KCMF1: variants seen among roughly 807,000 people sequenced by gnomAD.
KCMF1 encodes potassium channel modulatory factor 1.
A neutral mutation model predicts 41.1 loss-of-function variants in KCMF1; 3 were observed. The ratio of observed to expected loss-of-function variants is 0.07; its 90% CI spans 0.03 to 0.19. The LOEUF (loss-of-function observed/expected upper bound fraction) is 0.19. KCMF1 is among the 10% of genes least tolerant of loss of function. KCMF1 has a pLI of 1.00. For synonymous variants in KCMF1, 142 were observed against 164.5 expected, an observed-to-expected ratio of 0.86 and a Z score of 1.04; for missense variants, 286 against 488.9, an observed-to-expected ratio of 0.58 and a Z score of 3.91.
chr2:85,002,765 A>T lies in KCMF1; in HGVS notation c.17-25124A>T, dbSNP rs1344285284. The stretch of plus-strand genomic sequence containing the variant: ...CTGTATGGAGCTGTGGCATCCCCTC[A>T]GTGTTGCCTGTTCCCAGCTCTTTTG... On this transcript the variant is annotated intron_variant, in intron 1 of 6. Coordinates refer to ENST00000409785, the MANE Select transcript of KCMF1 (RefSeq NM_020122.5). Among the ~76,000 whole-genome samples the T allele has an allele frequency of 2.0e-5, 3 of 152,132 alleles. No homozygotes were observed. In the East Asian group the frequency reaches 5.8e-4, roughly 29 times the overall value.
intron 1 of KCMF1, among the ~76,000 whole-genome samples, chr2:84,981,753 A>C (rs1357346212): frequency 6.6e-6 from 1 of 151,968 alleles, no homozygotes; most frequent in Non-Finnish European, 1.5e-5. Flanking sequence ...CTCCTGTCTT[A>C]TTCTCCAGGC....
intron 1 of KCMF1, among the ~76,000 whole-genome samples, chr2:84,987,003 G>A (rs1027508158): frequency 6.6e-6 from 1 of 152,188 alleles, no homozygotes; most frequent in African/African-American, 2.4e-5. Flanking sequence ...GTAAAAGGAG[G>A]ACACTAATGC....
chr2:84,993,363 G>A (rs1314534967), intron 1 of KCMF1, among the ~76,000 whole-genome samples: 2 of 152,094 alleles, frequency 1.3e-5, no homozygotes, highest in African/African-American at 4.8e-5. Flanking sequence ...CTCACAGAGT[G>A]TTGATCCACA....
At chr2:85,039,352 A>G (rs928347233) in intron 3 of KCMF1, among the ~76,000 whole-genome samples, 22 of 152,088 alleles carry the variant, frequency 1.4e-4, no homozygotes, top group African/African-American at 4.1e-4. Flanking sequence ...GTATTAGTTC[A>G]AGAGAGAGGC....
chr2:84,999,705 T>C (rs1207376646), intron 1 of KCMF1, among the ~76,000 whole-genome samples: 1 of 152,154 alleles, frequency 6.6e-6, no homozygotes, highest in East Asian at 1.9e-4. Context: ...TATTTGCATA[T>C]AAGAGAAAGG....
intron 1 of KCMF1, among the ~76,000 whole-genome samples, chr2:85,013,075 A>G (rs757624419): frequency 6.6e-6 from 1 of 152,156 alleles, no homozygotes; most frequent in Non-Finnish European, 1.5e-5. Context: ...GTACTTCCCC[A>G]GCTAGAACAA....
At chr2:85,037,069 A>G (rs1675421966) in intron 3 of KCMF1, among the ~76,000 whole-genome samples, 1 of 150,852 alleles carries the variant, frequency 6.6e-6, no homozygotes, top group Admixed American at 6.6e-5. Flanking sequence ...CACAGTTTGA[A>G]AATTAAATAC....
intron 1 of KCMF1, among the ~76,000 whole-genome samples, chr2:85,026,486 A>ATTTTTTTTT (rs1253198142): frequency 2.8e-5 from 4 of 145,004 alleles, no homozygotes; most frequent in African/African-American, 1.0e-4. Flanking sequence ...TATTATTATT[A>ATTTTTTTTT]TTATTATTAT....
intron 2 of KCMF1, 114 bp from the exon 3 acceptor site, chr2:85,034,902 A>G (rs1675369527): frequency 1.1e-6 from 1 of 876,944 alleles, no homozygotes; most frequent in East Asian, 2.8e-5. Context: ...GATTGCAGGC[A>G]TGAACCACTG....
At chr2:85,034,733 T>C (rs368233203) in intron 2 of KCMF1, among the ~76,000 whole-genome samples, 26 of 152,298 alleles carry the variant, frequency 1.7e-4, no homozygotes, top group African/African-American at 6.3e-4. Context: ...GCGATTCTCC[T>C]GGCTCAGCCT....
intron 1 of KCMF1, among the ~76,000 whole-genome samples, chr2:84,990,012 T>A: frequency 6.6e-6 from 1 of 152,150 alleles, no homozygotes; most frequent in East Asian, 1.9e-4. Context: ...GAGGACCAGG[T>A]GAGAGTATTG....
chr2:85,042,267 T>C (rs1419879986), intron 3 of KCMF1, among the ~76,000 whole-genome samples: 1 of 152,204 alleles, frequency 6.6e-6, no homozygotes, highest in Non-Finnish European at 1.5e-5. Flanking sequence ...TGATATCAAA[T>C]CAGAGTTGAA....
At chr2:85,051,338 G>T (rs953190492) in intron 6 of KCMF1, among the ~76,000 whole-genome samples, 3 of 152,064 alleles carry the variant, frequency 2.0e-5, no homozygotes, top group Non-Finnish European at 4.4e-5. Flanking sequence ...ATCTACTAGC[G>T]TGCATTTCTA....
intron 1 of KCMF1, among the ~76,000 whole-genome samples, chr2:84,982,259 C>T (rs1345130549): frequency 6.6e-6 from 1 of 152,054 alleles, no homozygotes; most frequent in Non-Finnish European, 1.5e-5. Context: ...CAGTATTCTC[C>T]TTTGGTGTCC....
intron 1 of KCMF1, among the ~76,000 whole-genome samples, chr2:85,002,263 CA>C (rs1674353689): frequency 6.6e-6 from 1 of 152,148 alleles, no homozygotes; most frequent in Non-Finnish European, 1.5e-5. Flanking sequence ...TAGATGGTAC[CA>C]GTGTCCTATG....
At chr2:85,040,494 G>C (rs1057340783) in intron 3 of KCMF1, among the ~76,000 whole-genome samples, 1 of 151,998 alleles carries the variant, frequency 6.6e-6, no homozygotes, top group African/African-American at 2.4e-5. Flanking sequence ...CTCCTGCCCC[G>C]CTTTGCTCTC....
rs551510146 is a variant in KCMF1, at chr2:85,059,464, T to G, written c.*6055T>G. On this transcript the variant is annotated 3_prime_UTR_variant, in exon 7 of 7. Transcript: ENST00000409785. ...TGTTTTCTGATTTGAATAAACTTTGTGTTGTGCACCTCAGTTTCCATTGCA... is the reference window on the plus strand; with the variant it reads ...TGTTTTCTGATTTGAATAAACTTTGGGTTGTGCACCTCAGTTTCCATTGCA... 1 of 152,354 alleles carries G rather than the reference T, an allele frequency of 6.6e-6. No individual in the cohort carries two copies. The highest frequency in any genetic ancestry group is 1.9e-4 in the East Asian group (1 of 5,184). 9.4% of individuals were successfully genotyped at this position (152,354 alleles called of 1,614,324 possible). A position where few individuals can be genotyped will look rare whatever the true frequency, so the allele number is the denominator to read the frequency against.
At chr2:84,975,809 A>G (rs1335501219) in intron 1 of KCMF1, among the ~76,000 whole-genome samples, 1 of 152,214 alleles carries the variant, frequency 6.6e-6, no homozygotes, top group Non-Finnish European at 1.5e-5. Flanking sequence ...AAAGCTTTCC[A>G]AATAAAAAAA....
chr2:85,004,427 G>T (rs1364927585), intron 1 of KCMF1, among the ~76,000 whole-genome samples: 2 of 151,942 alleles, frequency 1.3e-5, no homozygotes, highest in Non-Finnish European at 2.9e-5. Flanking sequence ...CAGGAGAATG[G>T]CGTGAACCCA....
Sources: gnomAD v4.1 joint callset for allele counts (sites outside exome capture counted in the v4.1 genomes callset) on GRCh38, gnomAD v4.1.1 for gene constraint, MANE v1.5 for transcripts, NCBI Gene and HGNC (gene_info 2026-07-23, HGNC 2026-07-21) for gene names.